TLN2: variants seen among roughly 807,000 people sequenced by gnomAD.
The protein encoded by TLN2 is talin 2.
A neutral mutation model predicts 294.7 loss-of-function variants in TLN2; 118 were observed. The ratio of observed to expected loss-of-function variants is 0.40; its 90% CI spans 0.34 to 0.47. The LOEUF (loss-of-function observed/expected upper bound fraction) is 0.47, where lower values mean the gene tolerates loss of function less well. Among genes scored for constraint, TLN2 ranks in the 20% least tolerant of loss-of-function variants. The pLI is 0.84. For synonymous variants in TLN2, 1,431 were observed against 1,304.5 expected (o/e 1.10, Z -2.09); for missense variants, 3,083 against 3,282.2 (o/e 0.94, Z 1.48).
At chr15:62,669,014 T>C (rs1183888353) in intron 9 of TLN2, among the ~76,000 whole-genome samples, 1 of 152,242 alleles carries the variant, frequency 6.6e-6, no homozygotes, top group Non-Finnish European at 1.5e-5. Context: ...TTTTTTCTTG[T>C]GTGCATCTCC....
chr15:62,679,755 A>T (rs1339140560), intron 11 of TLN2, among the ~76,000 whole-genome samples: 1 of 152,246 alleles, frequency 6.6e-6, no homozygotes, highest in African/African-American at 2.4e-5. Context: ...TCCAATGCTA[A>T]CAATGGTACA....
At chr15:62,620,505 T>TC (rs2048706865) in intron 3 of TLN2, among the ~76,000 whole-genome samples, 1 of 151,666 alleles carries the variant, frequency 6.6e-6, no homozygotes, top group African/African-American at 2.4e-5. Flanking sequence ...TTTCTTTCTT[T>TC]TTTTTTTCTG....
chr15:62,477,619 C>G (rs111539860), intron 1 of TLN2, among the ~76,000 whole-genome samples: 1 of 152,130 alleles, frequency 6.6e-6, no homozygotes, highest in African/African-American at 2.4e-5. Context: ...CCTATGGGCT[C>G]TCTCTGTAGG....
At chr15:62,667,101 G>C (rs1258402406) in intron 9 of TLN2, among the ~76,000 whole-genome samples, 1 of 152,146 alleles carries the variant, frequency 6.6e-6, no homozygotes, top group African/African-American at 2.4e-5. Context: ...GAGTAGCTGG[G>C]ACTACAGGCG....
chr15:62,492,359 C>A (rs1187813691), intron 1 of TLN2, among the ~76,000 whole-genome samples: 2 of 151,766 alleles, frequency 1.3e-5, no homozygotes, highest in African/African-American at 4.8e-5. Flanking sequence ...GAGATCGAGA[C>A]CATCCTGGCT....
rs1242891335 is a variant in TLN2 at position 62,800,413 on chromosome 15, G to C, written c.6280G>C (p.Asp2094His). The C allele has an allele frequency of 1.9e-6, 3 of 1,614,084 alleles. No homozygotes were observed. The African/African-American group carries it at 4.0e-5, about 22-fold the overall frequency. Residue 2094 changes from aspartate (D) to histidine (H), a missense_variant, in exon 49 of 59, where the codon GAT becomes CAT. Asp to His is a moderately conservative substitution (Grantham distance 81). Coordinates refer to ENST00000636159, the MANE Select transcript of TLN2 (RefSeq NM_015059.3). ...AIKDVAKALSDLISATKGAAS... is the reference protein window; with the variant it reads ...AIKDVAKALSHLISATKGAAS... ...CAAAGATGTGGCCAAGGCCCTTTCT[G>C]ATCTCATCAGTGCTACCAAGGGAGC...
intron 1 of TLN2, among the ~76,000 whole-genome samples, chr15:62,401,240 A>AT (rs2032998549): frequency 6.6e-6 from 1 of 152,006 alleles, no homozygotes; most frequent in Non-Finnish European, 1.5e-5. Context: ...TAGTTCTAAA[A>AT]TTTTTTAGCA....
chr15:62,619,723 C>A (rs1210997191), intron 3 of TLN2, among the ~76,000 whole-genome samples: 3 of 152,130 alleles, frequency 2.0e-5, no homozygotes, highest in Admixed American at 2.0e-4. Context: ...GATGGAGCCC[C>A]CCAGAAGCTG....
intron 1 of TLN2, among the ~76,000 whole-genome samples, chr15:62,541,062 C>G (rs574508310): frequency 6.6e-6 from 1 of 152,202 alleles, no homozygotes; most frequent in African/African-American, 2.4e-5. Flanking sequence ...AAATAAGAAA[C>G]TGACTTAAAT....
intron 1 of TLN2, among the ~76,000 whole-genome samples, chr15:62,484,757 C>G (rs1318791801): frequency 1.3e-5 from 2 of 152,158 alleles, no homozygotes; most frequent in East Asian, 3.9e-4. Context: ...GCCTCAAGGG[C>G]TTTGTGGGGC....
intron 21 of TLN2, among the ~76,000 whole-genome samples, chr15:62,711,043 C>T (rs2059400179): frequency 6.6e-6 from 1 of 152,054 alleles, no homozygotes; most frequent in Non-Finnish European, 1.5e-5. Flanking sequence ...TGTCCTTTTA[C>T]CGTCTCGGGA....
At chr15:62,424,107 G>GT (rs1450884979) in intron 1 of TLN2, among the ~76,000 whole-genome samples, 1 of 152,264 alleles carries the variant, frequency 6.6e-6, no homozygotes, top group East Asian at 1.9e-4. Context: ...CCATGCCTCG[G>GT]TTTTTTTATT....
At chr15:62,631,199 C>T (rs937422624) in intron 3 of TLN2, among the ~76,000 whole-genome samples, 1 of 151,980 alleles carries the variant, frequency 6.6e-6, no homozygotes, top group Non-Finnish European at 1.5e-5. Flanking sequence ...TCCTTTCTGC[C>T]TCCTCTCCTT....
chr15:62,782,916 G>C (rs918511894), intron 44 of TLN2, among the ~76,000 whole-genome samples: 6 of 152,232 alleles, frequency 3.9e-5, no homozygotes, highest in Admixed American at 3.3e-4. Context: ...GGAGCCCCTT[G>C]ATGAGGGACA....
rs757616114 is a variant in TLN2, at chr15:62,761,726, A to T, written c.4684A>T (p.Ile1562Phe). The change falls in exon 38 of 59, where the codon ATC (isoleucine) becomes TTC (phenylalanine). Residue 1562 changes from isoleucine (I) to phenylalanine (F), a missense_variant. Coordinates refer to ENST00000636159, the MANE Select transcript of TLN2 (RefSeq NM_015059.3). ...TGAAGACAACCGCAATAAGTGTCGCATCGCCACCGCACCCTTGATTGAAGC... is the reference window on the plus strand; with the variant it reads ...TGAAGACAACCGCAATAAGTGTCGCTTCGCCACCGCACCCTTGATTGAAGC... ...FSEDNRNKCR[I>F]ATAPLIEAVE... 1.2e-6 allele frequency: 2 copies of T among 1,614,168 alleles called. No homozygotes were observed. The highest frequency in any genetic ancestry group is 3.3e-5 in the Admixed American group (2 of 60,016).
intron 1 of TLN2, among the ~76,000 whole-genome samples, chr15:62,581,197 A>G (rs943330609): frequency 6.6e-6 from 1 of 151,830 alleles, no homozygotes; most frequent in Non-Finnish European, 1.5e-5. Flanking sequence ...TGATCTTTTT[A>G]CTGTCTCCCT....
chr15:62,504,766 C>T (rs1334972084), intron 1 of TLN2, among the ~76,000 whole-genome samples: 1 of 151,010 alleles, frequency 6.6e-6, no homozygotes, highest in African/African-American at 2.4e-5. Flanking sequence ...AGCCAGAGTG[C>T]TAAGTGCTGA....
At chr15:62,675,190 T>G in intron 10 of TLN2, 27 bp from the exon 11 acceptor site, 1 of 1,610,430 alleles carries the variant, frequency 6.2e-7, no homozygotes, top group Non-Finnish European at 8.5e-7. Context: ...ATGCAATAAC[T>G]GGTCCCGACC....
At chr15:62,691,186 AT>A (rs1023032131) in intron 12 of TLN2, among the ~76,000 whole-genome samples, 3 of 152,028 alleles carry the variant, frequency 2.0e-5, no homozygotes, top group Non-Finnish European at 4.4e-5. Flanking sequence ...CAGCTACTCT[AT>A]TTTTATCCAA....
Sources: gnomAD v4.1 joint callset for allele counts (sites outside exome capture counted in the v4.1 genomes callset) on GRCh38, gnomAD v4.1.1 for gene constraint, MANE v1.5 for transcripts, NCBI Gene and HGNC (gene_info 2026-07-23, HGNC 2026-07-21) for gene names.